NT5DC2: variants seen among roughly 807,000 people sequenced by gnomAD.
NT5DC2 encodes 5'-nucleotidase domain containing 2.
NT5DC2 carries 41 observed loss-of-function variants against 70.0 expected under a neutral mutation model. The observed-to-expected ratio is 0.59, with a 90% confidence interval of 0.46 to 0.76. The LOEUF is 0.76. NT5DC2 is among the 30% of genes least tolerant of loss of function. The pLI is 0.00. For missense variants in NT5DC2, 705 were observed against 783.2 expected (o/e 0.90, Z 1.19); for synonymous variants, 299 against 310.4 (o/e 0.96, Z 0.39).
upstream of NT5DC2, chr3:52,533,886 A>G: frequency 1.0e-6 from 1 of 959,062 alleles, no homozygotes; most frequent in Non-Finnish European, 1.2e-6. Context: ...CCGGCCTGCC[A>G]ATGGGCGCGC....
chr3:52,527,129 G>A (rs1445311079), intron 10 of NT5DC2, among the ~76,000 whole-genome samples, 165 bp downstream of exon 10: 1 of 152,216 alleles, frequency 6.6e-6, no homozygotes, highest in Non-Finnish European at 1.5e-5. Context: ...CAGAGGTCAA[G>A]CTCTCGAGGC....
Position 52,529,162 on chromosome 3 carries a change from G to C in NT5DC2, c.405C>G (p.Ile135Met), listed in dbSNP as rs551687663. 5.0e-6 allele frequency: 8 copies of C among 1,613,966 alleles called. No individual in the cohort carries two copies. Among genetic ancestry groups the C allele is most frequent in the Non-Finnish European group, 5.9e-6 (7 of 1,179,996 alleles). The change falls in exon 2 of 14, where the codon ATC becomes ATG. Residue 135 changes from isoleucine to methionine, a missense_variant. Coordinates refer to ENST00000422318, the MANE Select transcript of NT5DC2 (RefSeq NM_001134231.2). The surrounding 1 kb of genome is among the most constrained non-coding windows in gnomAD (Gnocchi z 4.1). ...ACCCCCGTCTCACCTTGTAGTGCTC[G>C]ATCAGGATGTCACGGGCGGTACTGA... ...EIFSTARDIL[I>M]EHYKYPEGIR...
Position 52,525,227 on chromosome 3 carries a change from G to A in NT5DC2, c.1188C>T (p.His396=). ...CCCTCACCGCCAGATCACTATAGAG[G>A]TGGTCCCCGAAGTAGAGCACGCGGG... ...RGPRVLYFGD[H]LYSDLADLML... is the part of the protein sequence containing the mutation. Residue 396 remains histidine (H), a synonymous_variant, in exon 11 of 14, where the codon CAC becomes CAT. Coordinates refer to ENST00000422318, the MANE Select transcript of NT5DC2 (RefSeq NM_001134231.2). The A allele has an allele frequency of 6.8e-6, 11 of 1,612,488 alleles. No homozygotes were observed. The highest frequency in any genetic ancestry group is 9.3e-6 in the Non-Finnish European group (11 of 1,179,882).
chr3:52,533,661 G>T lies in NT5DC2; in HGVS notation c.77C>A (p.Ser26Ter). Residue 26 changes from serine to a stop codon, truncating the protein, a stop_gained, in exon 1 of 14, where the codon TCG (serine) becomes TAG (stop). Transcript: ENST00000422318. LOFTEE classifies it high-confidence loss of function. ...CGGHGGPRAA[S>*]SSPSCPGCGP... ...GCACCCAGGGCAGGAGGGCGAGGAC[G>T]AGGCGGCTCGCGGCCCGCCGTGGCC... 1 of 1,157,190 alleles carries T rather than the reference G, an allele frequency of 8.6e-7. No homozygotes were observed. Among genetic ancestry groups the T allele is most frequent in the Non-Finnish European group, 1.1e-6 (1 of 940,712 alleles). 71.7% of individuals were successfully genotyped at this position (1,157,190 alleles called of 1,614,324 possible). A position where few individuals can be genotyped will look rare whatever the true frequency, so the allele number is the denominator to read the frequency against.
Position 52,533,639 on chromosome 3 carries a change from C to A in NT5DC2, c.99G>T (p.Gly33=). 4 of 1,208,608 alleles carry A rather than the reference C, an allele frequency of 3.3e-6. No homozygotes were observed. Among genetic ancestry groups the A allele is most frequent in the South Asian group, 7.0e-5 (2 of 28,650 alleles). The allele number at this position is 1,208,608 out of a possible 1,614,324, so 74.9% of individuals were successfully genotyped here. The change falls in exon 1 of 14, where the codon GGG becomes GGT. Residue 33 remains glycine (G), a synonymous_variant. Transcript: ENST00000422318. ...RAASSSPSCP[G]CGPPGPGAHC... ...GGGCGCCGGGACCCGGGGGGCCGCACCCAGGGCAGGAGGGCGAGGACGAGG... is the reference window on the plus strand; with the variant it reads ...GGGCGCCGGGACCCGGGGGGCCGCAACCAGGGCAGGAGGGCGAGGACGAGG...
At chr3:52,532,027 A>G (rs999928478) in intron 1 of NT5DC2, 6 of 207,734 alleles carry the variant, frequency 2.9e-5, no homozygotes, top group Non-Finnish European at 5.0e-5. Context: ...TAGCCTCCCA[A>G]TGTCACCACA....
intron 11 of NT5DC2, 52 bp from the exon 12 acceptor site, chr3:52,525,155 G>A (rs749860780): frequency 2.2e-5 from 8 of 369,892 alleles, no homozygotes; most frequent in African/African-American, 8.1e-5. Flanking sequence ...TGGGGGCGGG[G>A]GGGGGGGGGT....
intron 10 of NT5DC2, chr3:52,525,652 T>C (rs2079250809): frequency 4.1e-6 from 1 of 245,638 alleles, no homozygotes. Context: ...CCTGCCTCAG[T>C]GCAGAGGGAC....
At chr3:52,532,978 G>C (rs771507566) in intron 1 of NT5DC2, among the ~76,000 whole-genome samples, 4 of 152,174 alleles carry the variant, frequency 2.6e-5, no homozygotes, top group Non-Finnish European at 4.4e-5. Context: ...GGGGTGACTT[G>C]GCTTCTCCCA....
In NT5DC2 at chr3:52,529,184, C is replaced by T; in HGVS notation, c.383G>A (p.Ser128Asn). The change falls in exon 2 of 14, where the codon AGT (serine) becomes AAT (asparagine). Residue 128 changes from serine to asparagine, a missense_variant. Physicochemically the swap from Ser to Asn is conservative, Grantham distance 46. Coordinates refer to ENST00000422318, the MANE Select transcript of NT5DC2 (RefSeq NM_001134231.2). This position sits in a 1 kb window ranked among gnomAD's most constrained non-coding sequence, Gnocchi z 4.1. ...CTCGATCAGGATGTCACGGGCGGTA[C>T]TGAAGATCTCGGGGTGCAGTGCGTC... ...YADALHPEIF[S>N]TARDILIEHY... 1.2e-6 allele frequency: 2 copies of T among 1,614,142 alleles called. No individual in the cohort carries two copies. Among genetic ancestry groups the T allele is most frequent in the East Asian group, 2.2e-5 (1 of 44,876 alleles).
Position 52,529,199 on chromosome 3 carries a change from T to G in NT5DC2, c.368A>C (p.His123Pro). Reference sequence around the variant, plus strand: ...ACGGGCGGTACTGAAGATCTCGGGGTGCAGTGCGTCTGCATACTGGGCCAG... The same window carrying G: ...ACGGGCGGTACTGAAGATCTCGGGGGGCAGTGCGTCTGCATACTGGGCCAG... ...YTLAQYADALHPEIFSTARDI... is the reference protein window; with the variant it reads ...YTLAQYADALPPEIFSTARDI... Residue 123 changes from histidine (H) to proline (P), a missense_variant, in exon 2 of 14, where the codon CAC (histidine) becomes CCC (proline). Physicochemically the swap from His to Pro is moderately conservative, Grantham distance 77 (BLOSUM62 -2). Coordinates refer to ENST00000422318, the MANE Select transcript of NT5DC2 (RefSeq NM_001134231.2). This position sits in a 1 kb window ranked among gnomAD's most constrained non-coding sequence, Gnocchi z 4.1. The G allele has an allele frequency of 6.2e-7, 1 of 1,613,852 alleles. No individual in the cohort carries two copies. The highest frequency in any genetic ancestry group is 8.5e-7 in the Non-Finnish European group (1 of 1,179,940).
chr3:52,528,363 GTGC>G, intron 5 of NT5DC2, 52 bp from the exon 6 acceptor site: 2 of 1,613,256 alleles, frequency 1.2e-6, no homozygotes, highest in Non-Finnish European at 1.7e-6. Context: ...AACCCCTTCA[GTGC>G]TGGAGACGAG....
chr3:52,532,737 AG>A (rs2079377541), intron 1 of NT5DC2, among the ~76,000 whole-genome samples: 1 of 152,062 alleles, frequency 6.6e-6, no homozygotes, highest in Non-Finnish European at 1.5e-5. Context: ...GGTCAGTGAT[AG>A]GGTCACGACC....
chr3:52,525,381 AT>A, intron 10 of NT5DC2, 86 bp from the exon 11 acceptor site: 2 of 979,622 alleles, frequency 2.0e-6, no homozygotes, highest in Non-Finnish European at 3.1e-6. Context: ...GGCAGCCCAA[AT>A]CCAGCCGGAT....
intron 1 of NT5DC2, chr3:52,532,318 T>C: frequency 1.0e-6 from 1 of 985,410 alleles, no homozygotes; most frequent in Non-Finnish European, 1.2e-6. Context: ...CTCAGGATAC[T>C]CTGAGGGTCT....
upstream of NT5DC2, chr3:52,534,691 TAC>T: frequency 6.3e-7 from 1 of 1,576,860 alleles, no homozygotes. Flanking sequence ...CCCGCACGCA[TAC>T]CAGGCTGTGC....
chr3:52,533,887 A>T (rs1342855592), upstream of NT5DC2: 5 of 947,000 alleles, frequency 5.3e-6, no homozygotes, highest in Non-Finnish European at 6.3e-6. Flanking sequence ...CGGCCTGCCA[A>T]TGGGCGCGCC....
upstream of NT5DC2, chr3:52,534,581 T>G: frequency 6.2e-7 from 1 of 1,613,842 alleles, no homozygotes; most frequent in Non-Finnish European, 8.5e-7. Context: ...GATGCTGTGG[T>G]CTTTTCTAGC....
At chr3:52,530,457 G>A in intron 1 of NT5DC2, among the ~76,000 whole-genome samples, 1 of 152,124 alleles carries the variant, frequency 6.6e-6, no homozygotes, top group South Asian at 2.1e-4. Context: ...CATGCAATGA[G>A]GTCAGCCAGA....
Sources: gnomAD v4.1 joint callset for allele counts (sites outside exome capture counted in the v4.1 genomes callset) on GRCh38, gnomAD v4.1.1 for gene constraint, Gnocchi (gnomAD v3.1) non-coding constraint, MANE v1.5 for transcripts, NCBI Gene and HGNC (gene_info 2026-07-23, HGNC 2026-07-21) for gene names.